Variants in PHF14 observed in about 807,000 individuals in gnomAD.
PHF14 encodes PHD finger protein 14.
Under a neutral mutation model 117.9 loss-of-function variants are expected in PHF14, and 55 were observed. The observed-to-expected ratio is 0.47, with a 90% CI of 0.38 to 0.58. The LOEUF is 0.58. PHF14 is among the 20% of genes least tolerant of loss of function. The probability of loss-of-function intolerance (pLI) is 0.00; values close to 1 mark genes in which losing one functional copy is unlikely to be tolerated. For synonymous variants in PHF14, 409 were observed against 368.6 expected, an observed-to-expected ratio of 1.11 and a Z score of -1.26; for missense variants, 978 against 1,122.2, an observed-to-expected ratio of 0.87 and a Z score of 1.84.
At chr7:11,057,042 T>G (rs997486740) in intron 14 of PHF14, among the ~76,000 whole-genome samples, 1 of 152,048 alleles carries the variant, frequency 6.6e-6, no homozygotes, top group Non-Finnish European at 1.5e-5. Flanking sequence ...GCATTTCTTA[T>G]GATTCACCAT....
At chr7:11,037,119 A>G in intron 10 of PHF14, 28 bp downstream of exon 10, 1 of 1,459,008 alleles carries the variant, frequency 6.9e-7, no homozygotes, top group South Asian at 1.3e-5. Flanking sequence ...TATGCAACAT[A>G]ATGTGATAGA....
chr7:11,027,640 G>A (rs1459140947), intron 6 of PHF14, among the ~76,000 whole-genome samples: 3 of 152,034 alleles, frequency 2.0e-5, no homozygotes, highest in Non-Finnish European at 4.4e-5. Context: ...CAGAAAGAAT[G>A]TACATAATTG....
intron 2 of PHF14, among the ~76,000 whole-genome samples, chr7:10,982,167 A>G (rs537479710): frequency 1.3e-5 from 2 of 152,350 alleles, no homozygotes; most frequent in African/African-American, 2.4e-5. Context: ...CATTAGCACT[A>G]TACTGAACTA....
At chr7:11,079,448 T>G (rs1279924183) in intron 16 of PHF14, among the ~76,000 whole-genome samples, 3 of 152,192 alleles carry the variant, frequency 2.0e-5, no homozygotes, top group Admixed American at 2.0e-4. Flanking sequence ...TGCACAGTTA[T>G]GTAGAAGAAT....
At position 10,990,861 on chromosome 7, in the gene PHF14, C is replaced by T; in HGVS notation, c.1045+14C>T. ...CAGTCCATGAAGGTAATGTTGCTTT[C>T]TTTTCTCTCTTTTTAGAAATGGCTG... On this transcript the variant is annotated intron_variant, in intron 4 of 17. Transcript: ENST00000634607. The T allele has an allele frequency of 2.6e-6, 4 of 1,550,190 alleles. No homozygotes were observed. Among genetic ancestry groups the T allele is most frequent in the Middle Eastern group, 1.7e-4 (1 of 5,922 alleles).
intron 17 of PHF14, among the ~76,000 whole-genome samples, chr7:11,135,212 T>C (rs1788185778): frequency 1.3e-5 from 2 of 152,082 alleles, no homozygotes; most frequent in Admixed American, 6.6e-5. Context: ...GTGCCTCAGT[T>C]TCCTCATGTT....
rs1189250571 is a variant in PHF14, at chr7:11,130,539, A to G, written c.2772+19072A>G. Among the ~76,000 whole-genome samples, 1 of 151,876 alleles carries G rather than the reference A, an allele frequency of 6.6e-6. No individual in the cohort carries two copies. On this transcript the variant is annotated intron_variant, in intron 17 of 17. Transcript: ENST00000634607. This position sits in a 1 kb window ranked among gnomAD's most constrained non-coding sequence, Gnocchi z 4.2. ...TCTTTTTGAGCAGTTTTAGGTTTAT[A>G]GAAAAATGGAGTTAAAACTACAGAT...
At chr7:11,042,220 G>C (rs1401093964) in intron 12 of PHF14, among the ~76,000 whole-genome samples, 1 of 151,842 alleles carries the variant, frequency 6.6e-6, no homozygotes. Context: ...GTTGAAGACT[G>C]TTTGAAAGGT....
chr7:11,080,009 C>T (rs1786024490), intron 16 of PHF14, among the ~76,000 whole-genome samples: 1 of 152,068 alleles, frequency 6.6e-6, no homozygotes, highest in Non-Finnish European at 1.5e-5. Flanking sequence ...TGAATAGACT[C>T]AGTGGTCTAA....
intron 4 of PHF14, among the ~76,000 whole-genome samples, chr7:10,992,514 T>G (rs2128310808): frequency 6.6e-6 from 1 of 151,724 alleles, no homozygotes; most frequent in South Asian, 2.1e-4. Context: ...AATACAAAAA[T>G]TAGCCGGGCG....
chr7:11,098,995 T>C (rs756400279), intron 16 of PHF14, among the ~76,000 whole-genome samples: 1 of 152,198 alleles, frequency 6.6e-6, no homozygotes, highest in Non-Finnish European at 1.5e-5. Flanking sequence ...CTATAATTTT[T>C]AAAAGTTCAT....
rs1007889734 is a variant in PHF14 at position 11,104,321 on chromosome 7, T to A, written c.2655-7029T>A. 3 of 979,248 alleles carry A rather than the reference T, an allele frequency of 3.1e-6. No individual in the cohort carries two copies. In the African/African-American group the frequency reaches 5.3e-5, roughly 17 times the overall value. 60.7% of individuals were successfully genotyped at this position (979,248 alleles called of 1,614,324 possible). On this transcript the variant is annotated intron_variant, in intron 16 of 17. Transcript: ENST00000634607. ...TATAGACTGCAAAATTCATAAGATA[T>A]AGGTCCTGCAAAAAGTATAGTTGAA...
At chr7:11,104,152 T>A (rs1787180354) in intron 16 of PHF14, 1 of 984,454 alleles carries the variant, frequency 1.0e-6, no homozygotes, top group African/African-American at 1.7e-5. Context: ...TGTTTTGGTA[T>A]CACTGTTAAT....
At chr7:11,007,812 A>C (rs1046684812) in intron 4 of PHF14, among the ~76,000 whole-genome samples, 1 of 152,168 alleles carries the variant, frequency 6.6e-6, no homozygotes, top group African/African-American at 2.4e-5. Flanking sequence ...GCTTATTCTC[A>C]AGTAATTGCA....
rs1200337380 is a variant in PHF14, at chr7:11,011,127, T to C, written c.1046-2620T>C. ...ATGATCTATATTTGGTAAGTAGTGT[T>C]TTAATGAAATACTTACATGTAACCA... On this transcript the variant is annotated intron_variant, in intron 4 of 17. Coordinates refer to ENST00000634607, the MANE Select transcript of PHF14 (RefSeq NM_001007157.2). Among the ~76,000 whole-genome samples the C allele has an allele frequency of 2.6e-5, 4 of 152,240 alleles. No homozygotes were observed. The South Asian group carries it at 8.3e-4, about 31-fold the overall frequency.
rs114845338 is a variant in PHF14, at chr7:11,138,463, A to T, written c.2772+26996A>T. On this transcript the variant is annotated intron_variant, in intron 17 of 17. Transcript: ENST00000634607. ...TTATTATTACATAGTAAACATTAAAAATTATTTTTAAGCAAAGCCAGTTTT... is the reference window on the plus strand; with the variant it reads ...TTATTATTACATAGTAAACATTAAATATTATTTTTAAGCAAAGCCAGTTTT... Among the ~76,000 whole-genome samples, 866 of 152,324 alleles carry T rather than the reference A, an allele frequency of 5.7e-3. 6 individuals are homozygous for T. The highest frequency in any genetic ancestry group is 0.02 in the African/African-American group (827 of 41,574).
rs113102015 is a variant in PHF14 at position 10,977,016 on chromosome 7, T to C, written c.112+2071T>C. On this transcript the variant is annotated intron_variant, in intron 2 of 17. Transcript: ENST00000634607. ...AGTCAACAGAAATTGAATCATATTT[T>C]TGACTCTTGTTTTAGGTGCATTGAT... Among the ~76,000 whole-genome samples, 525 of 151,930 alleles carry C rather than the reference T, an allele frequency of 3.5e-3. 7 individuals are homozygous for C. The highest frequency in any genetic ancestry group is 0.012 in the African/African-American group (511 of 41,454).
chr7:11,094,396 G>A (rs1476592794), intron 16 of PHF14, among the ~76,000 whole-genome samples: 3 of 152,000 alleles, frequency 2.0e-5, no homozygotes, highest in African/African-American at 7.3e-5. Context: ...GCACTCCTTG[G>A]TTCATGACCC....
chr7:11,155,807 ATAGC>A (rs1440424698), intron 17 of PHF14, among the ~76,000 whole-genome samples: 2 of 151,784 alleles, frequency 1.3e-5, no homozygotes, highest in Non-Finnish European at 2.9e-5. Flanking sequence ...TGCCTGACAC[ATAGC>A]TAGCTAGTTG....
Sources: gnomAD v4.1 joint callset for allele counts (sites outside exome capture counted in the v4.1 genomes callset) on GRCh38, gnomAD v4.1.1 for gene constraint, Gnocchi (gnomAD v3.1) non-coding constraint, MANE v1.5 for transcripts, NCBI Gene and HGNC (gene_info 2026-07-23, HGNC 2026-07-21) for gene names.